The following LDB2 variants were observed in gnomAD, a reference collection of about 807,000 sequenced individuals.
LDB2 encodes the protein LIM domain-binding protein 2.
LDB2 carries 12 observed loss-of-function variants against 44.3 expected under a neutral mutation model. That is an observed-to-expected ratio of 0.27 (90% confidence interval 0.17 to 0.44). The LOEUF (loss-of-function observed/expected upper bound fraction) is 0.44. Among genes scored for constraint, LDB2 ranks in the 20% least tolerant of loss-of-function variants. LDB2 has a pLI of 1.00. For missense variants in LDB2, 344 were observed against 473.5 expected (o/e 0.73, Z 2.54); for synonymous variants, 164 against 174.8 (o/e 0.94, Z 0.49).
chr4:16,546,319 G>A (rs752841463), intron 5 of LDB2, among the ~76,000 whole-genome samples: 47 of 152,274 alleles, frequency 3.1e-4, no homozygotes, highest in Non-Finnish European at 6.0e-4. Flanking sequence ...ACTTCTGGAC[G>A]AATTCTAAAA....
At chr4:16,821,423 G>A (rs1436047727) in intron 1 of LDB2, among the ~76,000 whole-genome samples, 4 of 145,856 alleles carry the variant, frequency 2.7e-5, no homozygotes, top group South Asian at 2.2e-4. Context: ...TCGCTCTGTC[G>A]CCCAGGCTGG....
chr4:16,590,322 A>G (rs1005354979), intron 3 of LDB2, among the ~76,000 whole-genome samples: 7 of 152,244 alleles, frequency 4.6e-5, no homozygotes, highest in Non-Finnish European at 1.0e-4. Flanking sequence ...ACTTGAAAAA[A>G]CACACTCAAA....
chr4:16,895,709 C>T (rs1445899058), intron 1 of LDB2, among the ~76,000 whole-genome samples: 1 of 152,118 alleles, frequency 6.6e-6, no homozygotes, highest in Non-Finnish European at 1.5e-5. Flanking sequence ...TCAAAGTAGT[C>T]ACTCAAAGGC....
intron 2 of LDB2, among the ~76,000 whole-genome samples, chr4:16,733,021 C>A (rs1358600349): frequency 1.3e-5 from 2 of 152,158 alleles, no homozygotes; most frequent in African/African-American, 4.8e-5. Context: ...GGAGAACTAG[C>A]CTTGACTGGA....
chr4:16,732,622 T>C (rs1388379211), intron 2 of LDB2, among the ~76,000 whole-genome samples: 2 of 152,232 alleles, frequency 1.3e-5, no homozygotes, highest in Non-Finnish European at 2.9e-5. Flanking sequence ...TCCACAGCTA[T>C]AGTTCTATAT....
intron 1 of LDB2, among the ~76,000 whole-genome samples, chr4:16,792,212 T>G (rs1775911535): frequency 6.6e-6 from 1 of 152,230 alleles, no homozygotes; most frequent in Admixed American, 6.5e-5. Flanking sequence ...AATAGGAATA[T>G]GAGCTCTCTA....
intron 1 of LDB2, among the ~76,000 whole-genome samples, chr4:16,893,310 G>A (rs1206029634): frequency 6.8e-6 from 1 of 147,952 alleles, no homozygotes; most frequent in Admixed American, 6.9e-5. Flanking sequence ...TAAATTTCTA[G>A]GGGGGAGAAA....
At chr4:16,698,885 T>C (rs1752794237) in intron 2 of LDB2, among the ~76,000 whole-genome samples, 1 of 152,184 alleles carries the variant, frequency 6.6e-6, no homozygotes, top group Non-Finnish European at 1.5e-5. Flanking sequence ...GAATACAAAA[T>C]TCCTAAAGTC....
At chr4:16,682,567 G>A (rs1281546957) in intron 2 of LDB2, among the ~76,000 whole-genome samples, 3 of 152,214 alleles carry the variant, frequency 2.0e-5, no homozygotes. Flanking sequence ...CCAGTTGGTT[G>A]GGAATGCTGC....
intron 1 of LDB2, among the ~76,000 whole-genome samples, chr4:16,769,501 G>T (rs1333962632): frequency 2.0e-5 from 3 of 151,716 alleles, no homozygotes; most frequent in African/African-American, 7.3e-5. Context: ...TCACCATGTT[G>T]ACTAGGCTTC....
At chr4:16,784,718 C>T (rs1774008649) in intron 1 of LDB2, among the ~76,000 whole-genome samples, 1 of 152,178 alleles carries the variant, frequency 6.6e-6, no homozygotes, top group Admixed American at 6.5e-5. Context: ...TCAGGCCTTT[C>T]TGGGGTCTAA....
chr4:16,575,352 T>C (rs889051455), intron 5 of LDB2, among the ~76,000 whole-genome samples: 1 of 152,144 alleles, frequency 6.6e-6, no homozygotes, highest in Admixed American at 6.5e-5. Context: ...TAAAACATAA[T>C]GCTTAAAAAA....
intron 1 of LDB2, among the ~76,000 whole-genome samples, chr4:16,797,433 G>A (rs980827214): frequency 2.6e-5 from 4 of 152,184 alleles, no homozygotes; most frequent in Admixed American, 1.3e-4. Flanking sequence ...TCTCTCTACC[G>A]TCATTGCAAT....
chr4:16,699,226 T>C (rs999899345), intron 2 of LDB2, among the ~76,000 whole-genome samples: 1 of 152,224 alleles, frequency 6.6e-6, no homozygotes, highest in Non-Finnish European at 1.5e-5. Flanking sequence ...AATTGTCTCC[T>C]AGTGTTTTCT....
intron 1 of LDB2, among the ~76,000 whole-genome samples, chr4:16,787,263 G>T (rs1421063323): frequency 6.6e-6 from 1 of 152,076 alleles, no homozygotes; most frequent in African/African-American, 2.4e-5. Context: ...ATGCAATCCT[G>T]CCTCAAAAAG....
intron 7 of LDB2, chr4:16,506,052 C>T (rs1186106070): frequency 6.7e-6 from 10 of 1,495,722 alleles, no homozygotes; most frequent in East Asian, 2.5e-5. Flanking sequence ...ACATCGCTGC[C>T]GCAGCAGCTA....
At chr4:16,715,483 T>C (rs1280417632) in intron 2 of LDB2, among the ~76,000 whole-genome samples, 2 of 152,222 alleles carry the variant, frequency 1.3e-5, no homozygotes, top group Non-Finnish European at 2.9e-5. Flanking sequence ...CTCTTCTCTA[T>C]ATTAGACCTA....
intron 1 of LDB2, among the ~76,000 whole-genome samples, chr4:16,876,906 C>CT (rs796579484): frequency 7.4e-4 from 96 of 130,496 alleles, no homozygotes; most frequent in Non-Finnish European, 9.0e-4. Flanking sequence ...TTGTATAGTG[C>CT]TTTTTTTTTT....
At chr4:16,856,837 G>T (rs929854303) in intron 1 of LDB2, among the ~76,000 whole-genome samples, 7 of 152,276 alleles carry the variant, frequency 4.6e-5, no homozygotes, top group Non-Finnish European at 1.0e-4. Flanking sequence ...TAAGTCACTT[G>T]TCCAAAGTTA....
Sources: gnomAD v4.1 joint callset for allele counts (sites outside exome capture counted in the v4.1 genomes callset) on GRCh38, gnomAD v4.1.1 for gene constraint, MANE v1.5 for transcripts, NCBI Gene and HGNC (gene_info 2026-07-23, HGNC 2026-07-21) for gene names.